TTLL6: variants seen among roughly 807,000 people sequenced by gnomAD.
TTLL6 encodes tubulin polyglutamylase TTLL6.
In TTLL6, 75 loss-of-function variants were observed where a neutral mutation model predicts 96.4. That is an observed-to-expected ratio of 0.78 (90% CI 0.65 to 0.94). The LOEUF (loss-of-function observed/expected upper bound fraction) is 0.94, where lower values mean the gene tolerates loss of function less well. Among genes scored for constraint, TTLL6 ranks in the 40% least tolerant of loss-of-function variants. The pLI, the probability that TTLL6 is intolerant of heterozygous loss-of-function variation, is 0.00. For synonymous variants in TTLL6, 411 were observed against 419.4 expected (o/e 0.98, Z 0.24); for missense variants, 1,030 against 1,093.0 (o/e 0.94, Z 0.81).
chr17:48,783,356 T>C (rs1425057468), intron 13 of TTLL6, among the ~76,000 whole-genome samples: 2 of 152,246 alleles, frequency 1.3e-5, no homozygotes, highest in East Asian at 1.9e-4. Context: ...GTTAGTACCA[T>C]GTTCATGTGG....
chr17:48,762,947 G>A lies in TTLL6; in HGVS notation c.*27C>T, dbSNP rs922404520. The A allele has an allele frequency of 9.0e-5, 41 of 455,586 alleles. No individual in the cohort carries two copies. The highest frequency in any genetic ancestry group is 1.7e-4 in the Non-Finnish European group (39 of 226,640). 28.2% of individuals were successfully genotyped at this position (455,586 alleles called of 1,614,324 possible). A position where few individuals can be genotyped will look rare whatever the true frequency, so the allele number is the denominator to read the frequency against. On this transcript the variant is annotated 3_prime_UTR_variant, in exon 16 of 16. Coordinates refer to ENST00000393382, the MANE Select transcript of TTLL6 (RefSeq NM_001130918.3). ...TCCTGCAAGTTAAGAGGTAGGAAGG[G>A]AAAAGTGGCAGAGATCCAGTCTGAT...
At chr17:48,766,819 G>A (rs2038620272) in intron 15 of TTLL6, among the ~76,000 whole-genome samples, 1 of 152,216 alleles carries the variant, frequency 6.6e-6, no homozygotes, top group East Asian at 1.9e-4. Context: ...AGGGATCAGA[G>A]TTTTGCTCCA....
intron 13 of TTLL6, among the ~76,000 whole-genome samples, chr17:48,780,447 C>T (rs931335252): frequency 3.3e-5 from 5 of 152,158 alleles, no homozygotes; most frequent in African/African-American, 4.8e-5. Flanking sequence ...AGGATCCAAT[C>T]GAAGGCAGCC....
intron 13 of TTLL6, among the ~76,000 whole-genome samples, chr17:48,779,103 A>AG (rs2038938169): frequency 6.6e-6 from 1 of 151,868 alleles, no homozygotes; most frequent in Non-Finnish European, 1.5e-5. Flanking sequence ...TCTGTCTCAG[A>AG]GGGGGAAAAA....
rs748173585 is a variant in TTLL6 at position 48,769,224 on chromosome 17, G to T, written c.2441C>A (p.Ser814Tyr). 4.3e-6 allele frequency: 7 copies of T among 1,609,922 alleles called. No individual in the cohort carries two copies. In the East Asian group the frequency reaches 1.1e-4, roughly 26 times the overall value. Residue 814 changes from serine to tyrosine, a missense_variant, in exon 15 of 16, where the codon TCC becomes TAC. Ser to Tyr is a moderately radical substitution (Grantham distance 144). Coordinates refer to ENST00000393382, the MANE Select transcript of TTLL6 (RefSeq NM_001130918.3). ...CTTCTCGCCAGAGCTGTCACTGCGGGAGTGGCACTCCCCAGGCAGGGAGGG... is the reference window on the plus strand; with the variant it reads ...CTTCTCGCCAGAGCTGTCACTGCGGTAGTGGCACTCCCCAGGCAGGGAGGG... Reference protein sequence around the residue: ...QNPSLPGECHSRSDSSGEKRQ... With the variant: ...QNPSLPGECHYRSDSSGEKRQ...
At position 48,790,097 on chromosome 17, in the gene TTLL6, A is replaced by G; in HGVS notation, c.1234T>C (p.Ser412Pro). The G allele has an allele frequency of 6.2e-7, 1 of 1,613,024 alleles. No individual in the cohort carries two copies. The highest frequency in any genetic ancestry group is 8.5e-7 in the Non-Finnish European group (1 of 1,179,574). ...CGAGAGTCGGTGGAGAAGCTTGGAG[A>G]GTGGTTGACCTGTGAGGGCAAGATT... ...LKPWLLEVNH[S>P]PSFSTDSRLD... The change falls in exon 10 of 16, where the codon TCT (serine) becomes CCT (proline). Residue 412 changes from serine (S) to proline (P), a missense_variant. Coordinates refer to ENST00000393382, the MANE Select transcript of TTLL6 (RefSeq NM_001130918.3).
chr17:48,771,417 C>T (rs2038742589), intron 13 of TTLL6, among the ~76,000 whole-genome samples: 1 of 151,986 alleles, frequency 6.6e-6, no homozygotes, highest in African/African-American at 2.4e-5. Context: ...TCACTTTAGG[C>T]CAGGAGTTTG....
intron 13 of TTLL6, among the ~76,000 whole-genome samples, chr17:48,776,885 A>G (rs376121180): frequency 2.7e-4 from 41 of 152,252 alleles, no homozygotes; most frequent in African/African-American, 9.6e-4. Flanking sequence ...TGGAAATGCA[A>G]AGGACCTAGA....
chr17:48,806,892 T>C (rs1254331028), intron 1 of TTLL6, among the ~76,000 whole-genome samples: 1 of 151,632 alleles, frequency 6.6e-6, no homozygotes, highest in Non-Finnish European at 1.5e-5. Flanking sequence ...TAGCCAGGCA[T>C]GGTGGTGCAC....
chr17:48,810,154 A>AGG (rs1400940295), intron 1 of TTLL6, among the ~76,000 whole-genome samples: 2 of 151,758 alleles, frequency 1.3e-5, no homozygotes, highest in Admixed American at 6.6e-5. Context: ...AAAAAAAAAA[A>AGG]AAAAGGAAAA....
In TTLL6 at chr17:48,781,682, A is replaced by C. The variant is rs536030578; in HGVS notation, c.2040+3241T>G. 2.0e-5 allele frequency among the ~76,000 whole-genome samples: 3 copies of C among 152,300 alleles called. No individual in the cohort carries two copies. The South Asian group carries it at 6.2e-4, about 32-fold the overall frequency. ...GTTGAGATGTAGGAATTCTTCATAT[A>C]TGCTGGATATTAAGCCTGCTATGGT... On this transcript the variant is annotated intron_variant, in intron 13 of 15. Transcript: ENST00000393382.
At chr17:48,791,353 T>C (rs1281514323) in intron 9 of TTLL6, 25 bp downstream of exon 9, 2 of 1,604,444 alleles carry the variant, frequency 1.2e-6, no homozygotes, top group Non-Finnish European at 1.7e-6. Context: ...GAGTTCGTTT[T>C]CGCCCCTCGC....
Position 48,804,916 on chromosome 17 carries a change from C to T in TTLL6, c.179G>A (p.Gly60Glu). The T allele has an allele frequency of 6.4e-7, 1 of 1,551,892 alleles. No homozygotes were observed. The highest frequency in any genetic ancestry group is 8.7e-7 in the Non-Finnish European group (1 of 1,147,020). Reference protein sequence around the residue: ...PQCPTLESQEGENSEEKGDSS... With the variant: ...PQCPTLESQEEENSEEKGDSS... Reference sequence around the variant, plus strand: ...GTCCCCCTTCTCTTCGGAGTTTTCCCCTTCCTGGCTTTCCAAAGTCGGGCA... The same window carrying T: ...GTCCCCCTTCTCTTCGGAGTTTTCCTCTTCCTGGCTTTCCAAAGTCGGGCA... The change falls in exon 2 of 16, where the codon GGG becomes GAG. Residue 60 changes from glycine (G) to glutamate (E), a missense_variant. By Grantham distance (98) the Gly-to-Glu change is moderately conservative. Coordinates refer to ENST00000393382, the MANE Select transcript of TTLL6 (RefSeq NM_001130918.3).
chr17:48,801,584 G>T lies in TTLL6; in HGVS notation c.421C>A (p.Leu141Ile). Residue 141 changes from leucine (L) to isoleucine (I), a missense_variant, in exon 4 of 16, where the codon CTC becomes ATC. Transcript: ENST00000393382. ...GACACTGAGTAATCTGTCCAATAGA[G>T]AGTCCAGTCATCGTCTTCCCCTCCC... Reference protein sequence around the residue: ...REGGEDDDWTLYWTDYSVSLE... With the variant: ...REGGEDDDWTIYWTDYSVSLE... The T allele has an allele frequency of 6.4e-7, 1 of 1,551,810 alleles. No individual in the cohort carries two copies. The highest frequency in any genetic ancestry group is 1.4e-5 in the African/African-American group (1 of 73,140).
chr17:48,808,339 T>G (rs976738366), intron 1 of TTLL6, among the ~76,000 whole-genome samples: 6 of 152,086 alleles, frequency 3.9e-5, no homozygotes, highest in African/African-American at 9.7e-5. Flanking sequence ...ATTACAGGGC[T>G]AATGAATATG....
At chr17:48,764,217 G>A (rs1043462016) in intron 15 of TTLL6, among the ~76,000 whole-genome samples, 3 of 152,166 alleles carry the variant, frequency 2.0e-5, no homozygotes, top group African/African-American at 7.2e-5. Flanking sequence ...CATGGACTCA[G>A]TGACCAACCC....
At chr17:48,772,106 C>T (rs1035253116) in intron 13 of TTLL6, among the ~76,000 whole-genome samples, 1 of 151,368 alleles carries the variant, frequency 6.6e-6, no homozygotes, top group African/African-American at 2.4e-5. Context: ...ACAAAAAAAC[C>T]CACTAGATAT....
At chr17:48,797,787 CAAAAAAAAAAAA>C (rs58265844) in intron 6 of TTLL6, among the ~76,000 whole-genome samples, 6 of 58,636 alleles carry the variant, frequency 1.0e-4, no homozygotes, top group South Asian at 6.8e-4. Flanking sequence ...AACTCCATCT[CAAAAAAAAAAAA>C]AAAAAAAAAA....
intron 1 of TTLL6, among the ~76,000 whole-genome samples, chr17:48,808,259 C>T (rs1000424775): frequency 1.4e-4 from 22 of 152,148 alleles, no homozygotes; most frequent in African/African-American, 5.1e-4. Context: ...ATACAAATAG[C>T]TCTAAAATGC....
Sources: gnomAD v4.1 joint callset for allele counts (sites outside exome capture counted in the v4.1 genomes callset) on GRCh38, gnomAD v4.1.1 for gene constraint, MANE v1.5 for transcripts, NCBI Gene and HGNC (gene_info 2026-07-23, HGNC 2026-07-21) for gene names.